SLC2A7: variants seen among roughly 807,000 people sequenced by gnomAD.
SLC2A7 encodes the protein solute carrier family 2, facilitated glucose transporter member 7.
A neutral mutation model predicts 50.5 loss-of-function variants in SLC2A7; 50 were observed. The observed-to-expected ratio is 0.99, with a 90% CI of 0.79 to 1.25. The LOEUF is 1.25. SLC2A7 is among the 50% of genes most tolerant of loss of function. SLC2A7 has a pLI of 0.00. For synonymous variants in SLC2A7, 308 were observed against 300.4 expected (o/e 1.03, Z -0.26); for missense variants, 683 against 679.1 (o/e 1.01, Z -0.06).
chr1:9,024,360 TA>T (rs1354353770), intron 2 of SLC2A7, among the ~76,000 whole-genome samples: 113 of 152,318 alleles, frequency 7.4e-4, no homozygotes, highest in African/African-American at 2.6e-3. Context: ...AATATATGTA[TA>T]TATACGTAAT....
chr1:9,014,642 G>C (rs917319840), intron 7 of SLC2A7, 39 bp downstream of exon 7: 2 of 1,548,824 alleles, frequency 1.3e-6, no homozygotes, highest in African/African-American at 2.7e-5. Flanking sequence ...GCCTGGGTCT[G>C]CTTCATCTGT....
chr1:9,026,193 C>A, intron 1 of SLC2A7, 102 bp downstream of exon 1: 2 of 1,290,162 alleles, frequency 1.6e-6, no homozygotes, highest in Non-Finnish European at 2.2e-6. Context: ...AAGCACGCTA[C>A]CCGCTCCTTG....
intron 7 of SLC2A7, 66 bp downstream of exon 7, chr1:9,014,615 G>C (rs1271724310): frequency 1.0e-5 from 16 of 1,535,774 alleles, no homozygotes; most frequent in Non-Finnish European, 1.4e-5. Context: ...GTGGAACTGT[G>C]TGTTGCTATC....
At chr1:9,025,226 G>C in intron 1 of SLC2A7, 152 bp from the exon 2 acceptor site, 1 of 739,252 alleles carries the variant, frequency 1.4e-6, no homozygotes, top group Non-Finnish European at 2.2e-6. Context: ...GTGGCGCAGG[G>C]CTGGGGCTTT....
chr1:9,010,433 A>G (rs2124245875), intron 8 of SLC2A7, among the ~76,000 whole-genome samples, 189 bp from the exon 9 acceptor site: 1 of 151,994 alleles, frequency 6.6e-6, no homozygotes, highest in Middle Eastern at 3.4e-3. Flanking sequence ...ATCTCAGCTC[A>G]CTGCAACCTC....
At chr1:9,024,926 G>C (rs1229569699) in intron 2 of SLC2A7, 50 bp downstream of exon 2, 1 of 1,594,376 alleles carries the variant, frequency 6.3e-7, no homozygotes, top group African/African-American at 1.3e-5. Flanking sequence ...TTCCACCCAC[G>C]ACCCCGGTCA....
chr1:9,019,062 G>T, intron 4 of SLC2A7, 147 bp downstream of exon 4: 3 of 1,013,568 alleles, frequency 3.0e-6, no homozygotes, highest in Non-Finnish European at 4.2e-6. Context: ...CAAGCATGAG[G>T]CTTGCAAGGG....
intron 3 of SLC2A7, among the ~76,000 whole-genome samples, chr1:9,020,129 G>A (rs11800780): frequency 0.013 from 1,946 of 152,232 alleles, 51 homozygotes; most frequent in African/African-American, 0.045. Flanking sequence ...AAGAAGGGGC[G>A]AATGGGCAGA....
chr1:8,998,346 A>G (rs1640534269), downstream of SLC2A7, among the ~76,000 whole-genome samples: 1 of 151,700 alleles, frequency 6.6e-6, no homozygotes, highest in Non-Finnish European at 1.5e-5. Flanking sequence ...TGGAGGTTGC[A>G]GTGAGCCGAG....
chr1:9,002,317 C>T (rs145147550), downstream of SLC2A7, among the ~76,000 whole-genome samples: 541 of 152,182 alleles, frequency 3.6e-3, 3 homozygotes, highest in African/African-American at 0.012. Context: ...GCATCTGTCT[C>T]CTGCTCGTCC....
intron 1 of SLC2A7, among the ~76,000 whole-genome samples, chr1:9,025,763 T>C (rs1387304321): frequency 1.3e-5 from 2 of 152,096 alleles, no homozygotes; most frequent in African/African-American, 2.4e-5. Flanking sequence ...GGAGGGGAAC[T>C]GGCCTGAGGG....
At position 9,015,321 on chromosome 1, in the gene SLC2A7, C is replaced by G. The variant is rs1453855706; in HGVS notation, c.590-79G>C. 2.7e-6 allele frequency: 4 copies of G among 1,459,820 alleles called. No individual in the cohort carries two copies. In the African/African-American group the frequency reaches 5.7e-5, roughly 21 times the overall value. 90.4% of individuals were successfully genotyped at this position (1,459,820 alleles called of 1,614,324 possible). ...CTACCACTGTGCTCGGAAGGTCACG[C>G]TCCTATGTGTGAACCAAGGACTGTG... On this transcript the variant is annotated intron_variant, in intron 5 of 11. Transcript: ENST00000400906.
chr1:9,023,063 A>C lies in SLC2A7; in HGVS notation c.166T>G (p.Tyr56Asp), dbSNP rs1000798268. Residue 56 changes from tyrosine (Y) to aspartate (D), a missense_variant, in exon 3 of 12, where the codon TAC becomes GAC. Physicochemically the swap from Tyr to Asp is radical, Grantham distance 160 (BLOSUM62 -3). Transcript: ENST00000400906. Reference protein sequence around the residue: ...NTPHKVFKSFYNETYFERHAT... With the variant: ...NTPHKVFKSFDNETYFERHAT... ...TGTCGCTCAAAGTAGGTTTCGTTGTAAAATGACTTGAAGACCTGGAAAACA... is the reference window on the plus strand; with the variant it reads ...TGTCGCTCAAAGTAGGTTTCGTTGTCAAATGACTTGAAGACCTGGAAAACA... 1.6e-5 allele frequency: 26 copies of C among 1,613,642 alleles called. No individual in the cohort carries two copies. The East Asian group carries it at 5.6e-4, about 35-fold the overall frequency.
chr1:8,997,610 G>A, the SLC2A7 span, among the ~76,000 whole-genome samples: 1 of 152,036 alleles, frequency 6.6e-6, no homozygotes, highest in Non-Finnish European at 1.5e-5. Flanking sequence ...ATGTTGACCA[G>A]GCTAGTCTCG....
intron 2 of SLC2A7, among the ~76,000 whole-genome samples, chr1:9,024,000 T>G (rs1403001087): frequency 2.0e-5 from 3 of 151,770 alleles, no homozygotes; most frequent in African/African-American, 7.3e-5. Context: ...GAATTACAGA[T>G]ACCCGCCACC....
In SLC2A7 at chr1:9,020,794, T is replaced by C. The variant is rs576722030; in HGVS notation, c.312-1461A>G. On this transcript the variant is annotated intron_variant, in intron 3 of 11. Coordinates refer to ENST00000400906, the MANE Select transcript of SLC2A7 (RefSeq NM_207420.3). ...TGGCTGTGTCCTCACCCAAATCTCATCTTAAATTCCCACATGTGTGGGAGG... is the reference window on the plus strand; with the variant it reads ...TGGCTGTGTCCTCACCCAAATCTCACCTTAAATTCCCACATGTGTGGGAGG... Among the ~76,000 whole-genome samples the C allele has an allele frequency of 2.0e-5, 3 of 151,868 alleles. No homozygotes were observed. The South Asian group carries it at 6.3e-4, about 32-fold the overall frequency.
At chr1:9,019,413 G>A in intron 3 of SLC2A7, 80 bp from the exon 4 acceptor site, 1 of 1,574,894 alleles carries the variant, frequency 6.3e-7, no homozygotes. Flanking sequence ...TATTCTGCGG[G>A]CAGTCACTAC....
downstream of SLC2A7, among the ~76,000 whole-genome samples, chr1:8,998,775 T>A (rs1028360264): frequency 4.6e-5 from 7 of 152,180 alleles, no homozygotes; most frequent in Non-Finnish European, 4.4e-5. Flanking sequence ...AATCTTGCAT[T>A]CCTGAGATAA....
At chr1:9,019,929 A>C (rs1640888699) in intron 3 of SLC2A7, among the ~76,000 whole-genome samples, 1 of 152,186 alleles carries the variant, frequency 6.6e-6, no homozygotes, top group Non-Finnish European at 1.5e-5. Context: ...AACTCAAAAA[A>C]AAGAAAAAGA....
Sources: allele counts gnomAD v4.1 joint callset (sites outside exome capture counted in the v4.1 genomes callset), GRCh38; gene constraint gnomAD v4.1.1; transcripts MANE v1.5; gene names NCBI Gene and HGNC (gene_info 2026-07-23, HGNC 2026-07-21).